BMPR1A: variants seen among roughly 807,000 people sequenced by gnomAD.
BMPR1A encodes the protein bone morphogenetic protein receptor type 1A.
In BMPR1A, 7 loss-of-function variants were observed where a neutral mutation model predicts 66.0. That is an observed-to-expected ratio of 0.11 (90% CI 0.06 to 0.20). The LOEUF (loss-of-function observed/expected upper bound fraction) is 0.20. Among genes scored for constraint, BMPR1A ranks in the 10% least tolerant of loss-of-function variants. BMPR1A has a pLI of 1.00. For missense variants in BMPR1A, 408 were observed against 669.1 expected, an observed-to-expected ratio of 0.61 and a Z score of 4.31; for synonymous variants, 200 against 229.7, an observed-to-expected ratio of 0.87 and a Z score of 1.17.
chr10:86,825,206 C>T (rs1312510566), intron 1 of BMPR1A, among the ~76,000 whole-genome samples: 4 of 151,404 alleles, frequency 2.6e-5, no homozygotes, highest in Admixed American at 6.6e-5. Flanking sequence ...TGGGCTCAAG[C>T]GATCCTCCCA....
chr10:86,795,390 C>T (rs921107874), intron 1 of BMPR1A, among the ~76,000 whole-genome samples: 3 of 145,538 alleles, frequency 2.1e-5, no homozygotes, highest in Non-Finnish European at 3.0e-5. Flanking sequence ...CTATGTTAAG[C>T]AAAAACCATA....
intron 8 of BMPR1A, among the ~76,000 whole-genome samples, chr10:86,913,734 A>G (rs1448488800): frequency 6.6e-6 from 1 of 152,234 alleles, no homozygotes; most frequent in African/African-American, 2.4e-5. Flanking sequence ...CAAGACCTGC[A>G]CACTGAAAAT....
At chr10:86,847,538 C>CT (rs1220186315) in intron 2 of BMPR1A, among the ~76,000 whole-genome samples, 9 of 151,366 alleles carry the variant, frequency 5.9e-5, no homozygotes, top group Admixed American at 2.0e-4. Flanking sequence ...TTAAAATGAT[C>CT]TTTTTTTTAT....
intron 1 of BMPR1A, among the ~76,000 whole-genome samples, chr10:86,787,312 T>C (rs1271192333): frequency 2.0e-5 from 3 of 152,124 alleles, no homozygotes; most frequent in Non-Finnish European, 4.4e-5. Context: ...GTTTGAAAAA[T>C]AAGTAAAATT....
intron 5 of BMPR1A, among the ~76,000 whole-genome samples, chr10:86,898,249 A>G (rs1226133771): frequency 8.9e-6 from 1 of 111,864 alleles, no homozygotes; most frequent in East Asian, 1.7e-3. Flanking sequence ...TATATAACAC[A>G]TATATATATA....
rs1475729252 is a variant in BMPR1A, at chr10:86,924,431, TTA to T, written c.*714_*715del. On this transcript the variant is annotated 3_prime_UTR_variant, in exon 13 of 13. Coordinates refer to ENST00000372037, the MANE Select transcript of BMPR1A (RefSeq NM_004329.3). ...AAGTGAGATAGCTTCCCCACCAGCT[TTA>T]TTTTTTAACATGAAAGCTGATGCCA... is the stretch of plus-strand genomic sequence containing the variant. 4.3e-6 allele frequency: 1 copy of T among 233,654 alleles called. No individual in the cohort carries two copies. Among genetic ancestry groups the T allele is most frequent in the Non-Finnish European group, 8.5e-6 (1 of 118,096 alleles). 14.5% of individuals were successfully genotyped at this position (233,654 alleles called of 1,614,324 possible).
At chr10:86,757,722 G>T (rs901997978) in intron 1 of BMPR1A, among the ~76,000 whole-genome samples, 1 of 152,194 alleles carries the variant, frequency 6.6e-6, no homozygotes, top group Admixed American at 6.5e-5. Context: ...CTTGGCACCT[G>T]TGTTACGTCA....
At chr10:86,929,783 C>T (rs1204492216), downstream of BMPR1A, 1 of 152,224 alleles carries the variant, frequency 6.6e-6, no homozygotes, top group African/African-American at 2.4e-5. Context: ...CTGTTAGTCT[C>T]ACTGCTCCAT....
At chr10:86,862,031 G>T (rs540273847) in intron 2 of BMPR1A, among the ~76,000 whole-genome samples, 1 of 152,276 alleles carries the variant, frequency 6.6e-6, no homozygotes, top group Non-Finnish European at 1.5e-5. Context: ...TCTGTGCCAG[G>T]CACTGTTCCA....
At chr10:86,866,223 T>C (rs1449979559) in intron 2 of BMPR1A, among the ~76,000 whole-genome samples, 30 of 121,848 alleles carry the variant, frequency 2.5e-4, no homozygotes, top group African/African-American at 1.1e-3. Flanking sequence ...AGAGGGAGCT[T>C]TTTTTTTTTT....
Position 86,900,202 on chromosome 10 carries a change from CA to C in BMPR1A, c.530+77del. The C allele has an allele frequency of 4.3e-6, 6 of 1,392,524 alleles. No individual in the cohort carries two copies. In the South Asian group the frequency reaches 7.0e-5, roughly 16 times the overall value. The allele number at this position is 1,392,524 out of a possible 1,614,324, so 86.3% of individuals were successfully genotyped here. A position where few individuals can be genotyped will look rare whatever the true frequency, so the allele number is the denominator to read the frequency against. On this transcript the variant is annotated intron_variant, in intron 7 of 12. Transcript: ENST00000372037. ...CAACCGCTGTTTGTAAAGCCAGTTG[CA>C]GAAACCATTAACTTGTATTCTCTGG... is the stretch of plus-strand genomic sequence containing the variant.
intron 3 of BMPR1A, among the ~76,000 whole-genome samples, chr10:86,886,394 G>C (rs979220307): frequency 6.6e-6 from 1 of 152,218 alleles, no homozygotes; most frequent in African/African-American, 2.4e-5. Flanking sequence ...AGAAGCAGAG[G>C]GAACAGTTGG....
chr10:86,766,825 G>GTTT (rs1163287108), intron 1 of BMPR1A, among the ~76,000 whole-genome samples: 1 of 134,108 alleles, frequency 7.5e-6, no homozygotes, highest in Non-Finnish European at 1.6e-5. Flanking sequence ...AGCCAGGATG[G>GTTT]TTTTTTTTTT....
chr10:86,807,386 T>C (rs939627893), intron 1 of BMPR1A, among the ~76,000 whole-genome samples: 1 of 152,180 alleles, frequency 6.6e-6, no homozygotes, highest in Non-Finnish European at 1.5e-5. Flanking sequence ...TTTTTTGACT[T>C]ACTTGTTTAT....
In BMPR1A at chr10:86,857,702, T is replaced by C. The variant is rs902401145; in HGVS notation, c.-152-18165T>C. Among the ~76,000 whole-genome samples, 5 of 148,814 alleles carry C rather than the reference T, an allele frequency of 3.4e-5. No individual in the cohort carries two copies. In the East Asian group the frequency reaches 7.9e-4, roughly 23 times the overall value. On this transcript the variant is annotated intron_variant, in intron 2 of 12. Coordinates refer to ENST00000372037, the MANE Select transcript of BMPR1A (RefSeq NM_004329.3). ...TCACCCTATGGGCCTTCCCATAGGC[T>C]CGAGTATCCTCACACTGTGACAGCT...
At chr10:86,802,205 C>G (rs563119137) in intron 1 of BMPR1A, among the ~76,000 whole-genome samples, 1 of 152,288 alleles carries the variant, frequency 6.6e-6, no homozygotes, top group Non-Finnish European at 1.5e-5. Flanking sequence ...CCACCTCTTT[C>G]AGCACAGTCC....
chr10:86,762,730 T>C (rs978879200), intron 1 of BMPR1A, among the ~76,000 whole-genome samples: 5 of 152,056 alleles, frequency 3.3e-5, no homozygotes, highest in Non-Finnish European at 5.9e-5. Flanking sequence ...GTTGTAGTTA[T>C]GTTAAGATCT....
At chr10:86,757,053 C>T (rs922394822) in intron 1 of BMPR1A, 134 bp downstream of exon 1, 2 of 150,640 alleles carry the variant, frequency 1.3e-5, no homozygotes, top group Non-Finnish European at 3.0e-5. Context: ...GCCCCGGCAG[C>T]TCCGCAGGCC....
chr10:86,796,786 T>C (rs531239987), intron 1 of BMPR1A, among the ~76,000 whole-genome samples: 2 of 151,968 alleles, frequency 1.3e-5, no homozygotes, highest in Non-Finnish European at 1.5e-5. Context: ...TCACCGAGAC[T>C]GAGTTACTGT....
Sources: allele counts gnomAD v4.1 joint callset (sites outside exome capture counted in the v4.1 genomes callset), GRCh38; gene constraint gnomAD v4.1.1; transcripts MANE v1.5; gene names NCBI Gene and HGNC (gene_info 2026-07-23, HGNC 2026-07-21).